TENM3: variants seen among roughly 807,000 people sequenced by gnomAD.
TENM3 encodes the protein teneurin-3.
A neutral mutation model predicts 255.1 loss-of-function variants in TENM3; 63 were observed. The ratio of observed to expected loss-of-function variants is 0.25; its 90% confidence interval spans 0.20 to 0.30. TENM3 has a LOEUF of 0.30. TENM3 is among the 10% of genes least tolerant of loss of function. TENM3 has a pLI of 1.00. For synonymous variants in TENM3, 1,306 were observed against 1,322.3 expected, an observed-to-expected ratio of 0.99 and a Z score of 0.27; for missense variants, 2,929 against 3,461.1, an observed-to-expected ratio of 0.85 and a Z score of 3.86.
the TENM3 span, among the ~76,000 whole-genome samples, chr4:181,801,651 A>ATATATATATAT: frequency 4.9e-5 from 4 of 80,946 alleles, no homozygotes; most frequent in Admixed American, 2.5e-4. Context: ...AGAATTGTAA[A>ATATATATATAT]ATATATATAT....
At chr4:181,530,868 T>C in the TENM3 span, among the ~76,000 whole-genome samples, 1 of 152,254 alleles carries the variant, frequency 6.6e-6, no homozygotes, top group South Asian at 2.1e-4. Flanking sequence ...ATCTAAGAAG[T>C]TCTAGTTATG....
the TENM3 span, among the ~76,000 whole-genome samples, chr4:181,658,019 T>C: frequency 6.6e-6 from 1 of 152,052 alleles, no homozygotes; most frequent in South Asian, 2.1e-4. Flanking sequence ...AGACAAAGGC[T>C]AAAAAACTAC....
intron 1 of TENM3, among the ~76,000 whole-genome samples, chr4:182,186,706 A>T (rs1026899803): frequency 7.0e-6 from 1 of 142,482 alleles, no homozygotes; most frequent in African/African-American, 2.6e-5. Context: ...ATGGATTTTT[A>T]AAAACTTCTG....
chr4:181,588,976 T>C, the TENM3 span, among the ~76,000 whole-genome samples: 1 of 152,186 alleles, frequency 6.6e-6, no homozygotes, highest in Non-Finnish European at 1.5e-5. Context: ...AAAATTATCC[T>C]CCTTATTCCA....
chr4:182,347,584 A>C (rs1232715253), intron 3 of TENM3, among the ~76,000 whole-genome samples: 2 of 152,216 alleles, frequency 1.3e-5, no homozygotes, highest in African/African-American at 4.8e-5. Context: ...ATATCCAAAT[A>C]GCAGCTTTTT....
chr4:182,348,367 C>G (rs2150683116), intron 3 of TENM3, among the ~76,000 whole-genome samples: 1 of 152,250 alleles, frequency 6.6e-6, no homozygotes, highest in Admixed American at 6.5e-5. Flanking sequence ...AGTCACTAAC[C>G]TTAAATACGT....
At chr4:182,401,863 G>A (rs1292779109) in intron 3 of TENM3, among the ~76,000 whole-genome samples, 1 of 152,118 alleles carries the variant, frequency 6.6e-6, no homozygotes, top group East Asian at 1.9e-4. Context: ...AAATGCTGAT[G>A]AAAACTTAAT....
intron 3 of TENM3, among the ~76,000 whole-genome samples, chr4:182,446,358 T>C (rs531056494): frequency 6.6e-6 from 1 of 152,360 alleles, no homozygotes; most frequent in Admixed American, 6.5e-5. Flanking sequence ...ATTAGCATTT[T>C]AAATGGAAAT....
At chr4:182,355,128 C>T (rs1467693215) in intron 3 of TENM3, among the ~76,000 whole-genome samples, 2 of 152,016 alleles carry the variant, frequency 1.3e-5, no homozygotes, top group African/African-American at 2.4e-5. Context: ...AGACTGGGGG[C>T]AGGAGAGGAG....
the TENM3 span, among the ~76,000 whole-genome samples, chr4:181,716,392 C>G: frequency 6.6e-6 from 1 of 152,168 alleles, no homozygotes; most frequent in Non-Finnish European, 1.5e-5. Context: ...CATTGCTGTT[C>G]TTACTAAGTG....
At chr4:181,607,539 C>G in the TENM3 span, among the ~76,000 whole-genome samples, 1 of 151,930 alleles carries the variant, frequency 6.6e-6, no homozygotes, top group African/African-American at 2.4e-5. Flanking sequence ...CTCAGCCTCC[C>G]GAGTAGCTGA....
chr4:182,725,415 A>T (rs765917638), intron 13 of TENM3, among the ~76,000 whole-genome samples: 1 of 151,940 alleles, frequency 6.6e-6, no homozygotes, highest in African/African-American at 2.4e-5. Flanking sequence ...CTATGCTTCT[A>T]TTTCTTTGAG....
At chr4:181,698,225 A>G in the TENM3 span, among the ~76,000 whole-genome samples, 1 of 151,990 alleles carries the variant, frequency 6.6e-6, no homozygotes, top group Non-Finnish European at 1.5e-5. Flanking sequence ...AAAAAAAAAA[A>G]AAAAAGATAA....
chr4:181,467,147 T>TTTTTTTTTG, the TENM3 span, among the ~76,000 whole-genome samples: 3 of 113,010 alleles, frequency 2.7e-5, no homozygotes, highest in African/African-American at 1.1e-4. Flanking sequence ...TTTTTTTTTT[T>TTTTTTTTTG]TAGGCAGAGT....
At chr4:181,644,451 TA>T in the TENM3 span, among the ~76,000 whole-genome samples, 4 of 151,718 alleles carry the variant, frequency 2.6e-5, no homozygotes, top group Non-Finnish European at 2.9e-5. Flanking sequence ...AAAAATACTA[TA>T]AGGGCATTTC....
At chr4:181,713,390 C>A in the TENM3 span, among the ~76,000 whole-genome samples, 1 of 152,108 alleles carries the variant, frequency 6.6e-6, no homozygotes, top group African/African-American at 2.4e-5. Context: ...TTCTGAAACC[C>A]CATTATGTGG....
At chr4:181,713,764 T>C in the TENM3 span, among the ~76,000 whole-genome samples, 104,485 of 152,042 alleles carry the variant, frequency 0.69, 37,500 homozygotes, top group East Asian at 0.83. Flanking sequence ...TACATAATTA[T>C]ACTCTTAAAT....
chr4:182,174,979 A>G (rs889908617), intron 1 of TENM3, among the ~76,000 whole-genome samples: 2 of 152,166 alleles, frequency 1.3e-5, no homozygotes, highest in Non-Finnish European at 2.9e-5. Flanking sequence ...CTAGGAAAAA[A>G]AATCCTTTAA....
the TENM3 span, among the ~76,000 whole-genome samples, chr4:181,536,627 C>T: frequency 6.6e-6 from 1 of 152,184 alleles, no homozygotes; most frequent in Admixed American, 6.5e-5. Context: ...TGGTCAATTT[C>T]TTTATTTCTA....
Sources: gnomAD v4.1 joint callset for allele counts (sites outside exome capture counted in the v4.1 genomes callset) on GRCh38, gnomAD v4.1.1 for gene constraint, MANE v1.5 for transcripts, NCBI Gene and HGNC (gene_info 2026-07-23, HGNC 2026-07-21) for gene names.